The following TSPOAP1 variants were observed in gnomAD, a reference collection of about 807,000 sequenced individuals.
TSPOAP1 encodes peripheral-type benzodiazepine receptor-associated protein 1.
A neutral mutation model predicts 197.0 loss-of-function variants in TSPOAP1; 87 were observed. The observed-to-expected ratio is 0.44, with a 90% CI of 0.37 to 0.53. TSPOAP1 has a LOEUF of 0.53. Among genes scored for constraint, TSPOAP1 ranks in the 20% least tolerant of loss-of-function variants. TSPOAP1 has a pLI of 0.00. For synonymous variants in TSPOAP1, 913 were observed against 998.9 expected, an observed-to-expected ratio of 0.91 and a Z score of 1.62; for missense variants, 2,174 against 2,411.3, an observed-to-expected ratio of 0.90 and a Z score of 2.06.
In TSPOAP1 at chr17:58,304,699, A is replaced by G. The variant is rs1261252313; in HGVS notation, c.5545-300T>C. 8.8e-6 allele frequency: 5 copies of G among 568,548 alleles called. No homozygotes were observed. Among genetic ancestry groups the G allele is most frequent in the Non-Finnish European group, 1.6e-5 (5 of 316,024 alleles). The allele number at this position is 568,548 out of a possible 1,614,324, so 35.2% of individuals were successfully genotyped here. ...TTCCAAAGGCACCTGGGAGGTATGGAGACCACCCCCAGGGTGGGAGTGTCC... is the reference window on the plus strand; with the variant it reads ...TTCCAAAGGCACCTGGGAGGTATGGGGACCACCCCCAGGGTGGGAGTGTCC... On this transcript the variant is annotated intron_variant, in intron 30 of 31. Transcript: ENST00000343736. The surrounding 1 kb of genome is among the most constrained non-coding windows in gnomAD (Gnocchi z 4.2).
Position 58,318,327 on chromosome 17 carries a change from GGGAGGAGTT to G in TSPOAP1, c.1816_1824del (p.Asn606_Ser608del), listed in dbSNP as rs768571974. ...GGGCTGTTGTGGATGGACTCGGAGT[GGGAGGAGTT>G]GGAGAGAGACTCTGCCTTCTTGGCT... is the stretch of plus-strand genomic sequence containing the variant. On this transcript the variant is annotated inframe_deletion, in exon 14 of 32. Coordinates refer to ENST00000343736, the MANE Select transcript of TSPOAP1 (RefSeq NM_004758.4). 1.2e-5 allele frequency: 19 copies of G among 1,614,106 alleles called. No homozygotes were observed. The South Asian group carries it at 2.0e-4, about 17-fold the overall frequency.
rs149397130 is a variant in TSPOAP1, at chr17:58,306,929, C to T, written c.5023G>A (p.Glu1675Lys). 1.2e-5 allele frequency: 20 copies of T among 1,613,252 alleles called. No individual in the cohort carries two copies. The East Asian group carries it at 1.3e-4, about 11-fold the overall frequency. ...ATGTAGCCTGTCCGGCCCCCACCTT[C>T]GCCCTGGTAGAAGCCATCGGCATCC... ...DKDADGFYQG[E>K]GGGRTGYIPC... Residue 1675 changes from glutamate (E) to lysine (K), a missense_variant, in exon 25 of 32, where the codon GAA becomes AAA. Around this residue, in one of 5 missense-constraint regions of TSPOAP1, gnomAD observed 16 missense variants for 38.8 expected, o/e 0.41. Coordinates refer to ENST00000343736, the MANE Select transcript of TSPOAP1 (RefSeq NM_004758.4).
intron 18 of TSPOAP1, 57 bp downstream of exon 18, chr17:58,311,514 G>A: frequency 2.6e-6 from 4 of 1,518,392 alleles, no homozygotes; most frequent in Non-Finnish European, 3.5e-6. Context: ...CTAGACCTCT[G>A]AGCATAGCAA....
Position 58,305,370 on chromosome 17 carries a change from C to A in TSPOAP1, c.5433+17G>T, listed in dbSNP as rs1598054703. On this transcript the variant is annotated intron_variant, in intron 29 of 31. Transcript: ENST00000343736. ...GGGGGCTGGGATATGGTACACCCTC[C>A]CCAACAATGTTCTCACATAGTAGAA... 6.2e-7 allele frequency: 1 copy of A among 1,613,270 alleles called. No homozygotes were observed. Among genetic ancestry groups the A allele is most frequent in the Admixed American group, 1.7e-5 (1 of 59,942 alleles).
rs766996251 is a variant in TSPOAP1 at position 58,325,578 on chromosome 17, G to A, written c.706C>T (p.Arg236Trp). 2 of 1,613,122 alleles carry A rather than the reference G, an allele frequency of 1.2e-6. No homozygotes were observed. Among genetic ancestry groups the A allele is most frequent in the Non-Finnish European group, 1.7e-6 (2 of 1,180,022 alleles). ...AKDKQIAALQ[R>W]ECRELQARLT... ...CTGGCCTGCAGCTCCCTGCACTCCC[G>A]CTGCAAGGCAGCAATCTGCTTGTCC... Residue 236 changes from arginine to tryptophan, a missense_variant, in exon 4 of 32, where the codon CGG (arginine) becomes TGG (tryptophan). By Grantham distance (101) the Arg-to-Trp change is moderately radical. Transcript: ENST00000343736.
chr17:58,323,637 C>G, intron 5 of TSPOAP1, 92 bp from the exon 6 acceptor site: 1 of 1,345,356 alleles, frequency 7.4e-7, no homozygotes, highest in Non-Finnish European at 1.0e-6. Context: ...AGGTTCCCAC[C>G]CCATCATTCA....
chr17:58,320,154 A>G (rs373783935), intron 11 of TSPOAP1, 25 bp from the exon 12 acceptor site: 81 of 1,614,022 alleles, frequency 5.0e-5, no homozygotes, highest in Non-Finnish European at 6.6e-5. Flanking sequence ...GAAGCAGAGA[A>G]CAGGTTAGAA....
chr17:58,322,597 C>G lies in TSPOAP1; in HGVS notation c.1317+57G>C. ...CCCTCACTAAGAATATTCTGCTGTC[C>G]CACTTGCTCCCCATGCCAGGGCCCA... is the stretch of plus-strand genomic sequence containing the variant. On this transcript the variant is annotated intron_variant, in intron 9 of 31. Coordinates refer to ENST00000343736, the MANE Select transcript of TSPOAP1 (RefSeq NM_004758.4). This position sits in a 1 kb window ranked among gnomAD's most constrained non-coding sequence, Gnocchi z 5.0. 1 of 1,595,924 alleles carries G rather than the reference C, an allele frequency of 6.3e-7. No individual in the cohort carries two copies. The highest frequency in any genetic ancestry group is 8.5e-7 in the Non-Finnish European group (1 of 1,175,104).
intron 1 of TSPOAP1, among the ~76,000 whole-genome samples, chr17:58,327,330 C>A (rs565714127): frequency 1.3e-5 from 2 of 152,146 alleles, no homozygotes; most frequent in Admixed American, 6.5e-5. Context: ...CAGAGAGGGA[C>A]GGGGCAGCAG....
At chr17:58,315,904 G>GATGC in intron 16 of TSPOAP1, 119 bp downstream of exon 16, 1 of 759,902 alleles carries the variant, frequency 1.3e-6, no homozygotes, top group Non-Finnish European at 2.3e-6. Flanking sequence ...TGGATGGATG[G>GATGC]ATGGATGGAT....
rs1314784030 is a variant in TSPOAP1, at chr17:58,307,890, G to A, written c.4783C>T (p.Pro1595Ser). ...RGQDGSGRRGPQKRGVRVLRP... is the reference protein window; with the variant it reads ...RGQDGSGRRGSQKRGVRVLRP... The stretch of plus-strand genomic sequence containing the variant: ...AGGACTCGGACACCTCTCTTCTGGG[G>A]GCCCCTCCGCCCAGAGCCGTCCTGC... The change falls in exon 23 of 32, where the codon CCC becomes TCC. Residue 1595 changes from proline (P) to serine (S), a missense_variant. Physicochemically the swap from Pro to Ser is moderately conservative, Grantham distance 74 (BLOSUM62 -1). Coordinates refer to ENST00000343736, the MANE Select transcript of TSPOAP1 (RefSeq NM_004758.4). 6.2e-7 allele frequency: 1 copy of A among 1,613,544 alleles called. No homozygotes were observed. Among genetic ancestry groups the A allele is most frequent in the South Asian group, 1.1e-5 (1 of 91,080 alleles).
At position 58,305,815 on chromosome 17, in the gene TSPOAP1, C is replaced by T. The variant is rs1246678940; in HGVS notation, c.5257+18G>A. ...TATCTCCTTCCCCAGCCTCCCGGGC[C>T]CAGGGATATTCCTTCACCTGGACAG... On this transcript the variant is annotated intron_variant, in intron 27 of 31. Transcript: ENST00000343736. 6.2e-7 allele frequency: 1 copy of T among 1,612,826 alleles called. No individual in the cohort carries two copies. Among genetic ancestry groups the T allele is most frequent in the Admixed American group, 1.7e-5 (1 of 59,956 alleles).
chr17:58,316,366 C>T (rs866726593), intron 15 of TSPOAP1, 59 bp downstream of exon 15: 9 of 1,474,350 alleles, frequency 6.1e-6, no homozygotes, highest in Admixed American at 5.5e-5. Flanking sequence ...CCACCCGGCC[C>T]CCTCCTATAC....
In TSPOAP1 at chr17:58,306,377, G is replaced by A; in HGVS notation, c.5189C>T (p.Thr1730Ile). Residue 1730 changes from threonine to isoleucine, a missense_variant, in exon 26 of 32, where the codon ACT becomes ATT. Thr to Ile is a moderately conservative substitution (Grantham distance 89, BLOSUM62 -1). Transcript: ENST00000343736. Reference protein sequence around the residue: ...GPFVYSTAHTTGPPPKPRRSK... With the variant: ...GPFVYSTAHTIGPPPKPRRSK... ...GCGGCGGGGCTTGGGAGGAGGCCCAGTTGTGTGGGCTGTGGAGTACACAAA... is the reference window on the plus strand; with the variant it reads ...GCGGCGGGGCTTGGGAGGAGGCCCAATTGTGTGGGCTGTGGAGTACACAAA... The A allele has an allele frequency of 1.9e-6, 3 of 1,555,190 alleles. No individual in the cohort carries two copies. The South Asian group carries it at 3.6e-5, about 18-fold the overall frequency.
At chr17:58,315,321 C>T (rs1490649316) in intron 16 of TSPOAP1, among the ~76,000 whole-genome samples, 1 of 152,204 alleles carries the variant, frequency 6.6e-6, no homozygotes, top group African/African-American at 2.4e-5. Context: ...GGCTCTCGCC[C>T]TGCCCTGTCC....
At chr17:58,317,605 T>G (rs1012189877) in intron 14 of TSPOAP1, among the ~76,000 whole-genome samples, 7 of 152,228 alleles carry the variant, frequency 4.6e-5, no homozygotes, top group African/African-American at 1.7e-4. Flanking sequence ...TCTACCACTT[T>G]CTGAATGTTT....
chr17:58,326,368 C>T lies in TSPOAP1; in HGVS notation c.495G>A (p.Lys165=). 2 of 1,614,086 alleles carry T rather than the reference C, an allele frequency of 1.2e-6. No individual in the cohort carries two copies. Among genetic ancestry groups the T allele is most frequent in the East Asian group, 4.5e-5 (2 of 44,886 alleles). The change falls in exon 3 of 32, where the codon AAG becomes AAA. Residue 165 remains lysine, a synonymous_variant. Coordinates refer to ENST00000343736, the MANE Select transcript of TSPOAP1 (RefSeq NM_004758.4). This position sits in a 1 kb window ranked among gnomAD's most constrained non-coding sequence, Gnocchi z 4.7. ...TGGCAATGACCGCCAGCTCGGCGTT[C>T]TTCCTCTTCAGCCTCCGCACCTTCT... is the stretch of plus-strand genomic sequence containing the variant. ...TEEKVRRLKR[K]NAELAVIAKR... is the part of the protein sequence containing the mutation.
chr17:58,321,698 C>T (rs1047880505), intron 10 of TSPOAP1, among the ~76,000 whole-genome samples: 12 of 152,274 alleles, frequency 7.9e-5, no homozygotes, highest in Admixed American at 1.3e-4. Context: ...CATCTCCCTC[C>T]CAGGCCACCG....
intron 16 of TSPOAP1, among the ~76,000 whole-genome samples, chr17:58,314,592 G>T (rs895076534): frequency 1.3e-5 from 2 of 152,248 alleles, no homozygotes; most frequent in Non-Finnish European, 2.9e-5. Context: ...CTCCCCTAGA[G>T]CCCCCAAGGG....
Sources: allele counts gnomAD v4.1 joint callset (sites outside exome capture counted in the v4.1 genomes callset), GRCh38; gene constraint gnomAD v4.1.1; regional missense constraint gnomAD v4.1.1; non-coding constraint Gnocchi (gnomAD v3.1); transcripts MANE v1.5; gene names NCBI Gene and HGNC (gene_info 2026-07-23, HGNC 2026-07-21).